Variants in CAMK1D observed in about 807,000 individuals in gnomAD.
CAMK1D encodes the protein calcium/calmodulin dependent protein kinase ID, also known as calcium/calmodulin-dependent protein kinase type 1D.
CAMK1D carries 9 observed loss-of-function variants against 47.7 expected under a neutral mutation model. The ratio of observed to expected loss-of-function variants is 0.19; its 90% confidence interval spans 0.11 to 0.33. The LOEUF is 0.33. CAMK1D is among the 10% of genes least tolerant of loss of function. The probability of loss-of-function intolerance (pLI) is 1.00; values close to 1 mark genes in which losing one functional copy is unlikely to be tolerated. For synonymous variants in CAMK1D, 184 were observed against 184.9 expected, an observed-to-expected ratio of 0.99 and a Z score of 0.04; for missense variants, 291 against 488.7, an observed-to-expected ratio of 0.60 and a Z score of 3.81.
intron 3 of CAMK1D, among the ~76,000 whole-genome samples, chr10:12,735,661 C>G (rs534921768): frequency 1.3e-5 from 2 of 152,266 alleles, no homozygotes; most frequent in East Asian, 3.9e-4. Context: ...TCTCTCTGTA[C>G]CAGACCTGAT....
intron 1 of CAMK1D, among the ~76,000 whole-genome samples, chr10:12,465,383 C>G (rs1833560122): frequency 6.6e-6 from 1 of 152,172 alleles, no homozygotes; most frequent in African/African-American, 2.4e-5. Context: ...GAGATGGAGT[C>G]TCACTCTTTC....
chr10:12,388,426 C>G (rs1240520910), intron 1 of CAMK1D, among the ~76,000 whole-genome samples: 1 of 152,206 alleles, frequency 6.6e-6, no homozygotes, highest in Non-Finnish European at 1.5e-5. Context: ...TCTAGATTCT[C>G]TGTCTGTCAA....
At position 12,616,674 on chromosome 10, in the gene CAMK1D, A is replaced by C. The variant is rs141373351; in HGVS notation, c.225-50062A>C. 5.0e-3 allele frequency among the ~76,000 whole-genome samples: 753 copies of C among 151,202 alleles called. 21 individuals are homozygous for C. The East Asian group carries it at 0.078, about 16-fold the overall frequency. ...CTGGGACTACAGGCGCCCGCCACTAAGCCCGGCTAATTTTTTCTATTTGTA... is the reference window on the plus strand; with the variant it reads ...CTGGGACTACAGGCGCCCGCCACTACGCCCGGCTAATTTTTTCTATTTGTA... On this transcript the variant is annotated intron_variant, in intron 2 of 10. Transcript: ENST00000619168.
At chr10:12,396,080 G>T (rs1208035260) in intron 1 of CAMK1D, among the ~76,000 whole-genome samples, 1 of 152,018 alleles carries the variant, frequency 6.6e-6, no homozygotes, top group South Asian at 2.1e-4. Flanking sequence ...CATCATGTTG[G>T]CCAGGCTGGC....
chr10:12,657,427 A>AAAATAAATAAATAAATAAAT (rs10524598), intron 2 of CAMK1D, among the ~76,000 whole-genome samples: 3,179 of 146,760 alleles, frequency 0.022, 46 homozygotes, highest in Non-Finnish European at 0.028. Context: ...CTGTCTCATA[A>AAAATAAATAAATAAATAAAT]AAATAAATAA....
At chr10:12,689,577 G>A (rs960940300) in intron 3 of CAMK1D, among the ~76,000 whole-genome samples, 7 of 152,122 alleles carry the variant, frequency 4.6e-5, no homozygotes, top group African/African-American at 7.2e-5. Context: ...AGGAGTTGGA[G>A]ACCAGCCTGA....
chr10:12,784,750 A>G (rs1174990182), intron 5 of CAMK1D, among the ~76,000 whole-genome samples: 2 of 152,202 alleles, frequency 1.3e-5, no homozygotes, highest in African/African-American at 2.4e-5. Flanking sequence ...CTACTCACCA[A>G]AAATATTTCA....
Position 12,518,473 on chromosome 10 carries a change from TTTTTTTA to T in CAMK1D, c.93-34731_93-34725del, listed in dbSNP as rs892155568. 6.0e-4 allele frequency among the ~76,000 whole-genome samples: 61 copies of T among 102,502 alleles called. 14 individuals carry two copies. Among genetic ancestry groups the T allele is most frequent in the East Asian group, 3.7e-3 (14 of 3,790 alleles). The allele number at this position is 102,502 out of a possible 152,430, so 67.2% of individuals were successfully genotyped here. A position where few individuals can be genotyped will look rare whatever the true frequency, so the allele number is the denominator to read the frequency against. ...TGTAGTGATATGTCTTTATTCATTC[TTTTTTTA>T]TTTTTTATTTTTTATTTTTTTTTTT... On this transcript the variant is annotated intron_variant, in intron 1 of 10. Coordinates refer to ENST00000619168, the MANE Select transcript of CAMK1D (RefSeq NM_153498.4).
intron 2 of CAMK1D, among the ~76,000 whole-genome samples, chr10:12,616,617 A>T (rs955274697): frequency 2.6e-5 from 4 of 151,722 alleles, no homozygotes; most frequent in Admixed American, 2.6e-4. Flanking sequence ...TCCCGGGTTC[A>T]CGCCATTCTC....
At chr10:12,782,716 A>G (rs3781070) in intron 5 of CAMK1D, among the ~76,000 whole-genome samples, 34,866 of 152,110 alleles carry the variant, frequency 0.23, 4,178 homozygotes, top group East Asian at 0.46. Context: ...TGAGCGTCTA[A>G]CCCTGGACAC....
chr10:12,530,895 A>G lies in CAMK1D; in HGVS notation c.93-22330A>G, dbSNP rs1835784168. Among the ~76,000 whole-genome samples the G allele has an allele frequency of 2.0e-5, 3 of 152,030 alleles. No individual in the cohort carries two copies. The South Asian group carries it at 6.2e-4, about 31-fold the overall frequency. On this transcript the variant is annotated intron_variant, in intron 1 of 10. Transcript: ENST00000619168. ...AACATGGTGAAACCCTGTCTCTACT[A>G]AAAATACAAAAATTAGCCGAGTGTG... is the stretch of plus-strand genomic sequence containing the variant.
intron 1 of CAMK1D, among the ~76,000 whole-genome samples, chr10:12,504,869 C>G (rs1260284232): frequency 6.6e-6 from 1 of 152,196 alleles, no homozygotes; most frequent in Non-Finnish European, 1.5e-5. Flanking sequence ...ATGACCCCTT[C>G]CTCTGCTTTC....
chr10:12,504,108 G>GGGGTGT (rs149803598), intron 1 of CAMK1D, among the ~76,000 whole-genome samples: 7,578 of 147,668 alleles, frequency 0.051, 236 homozygotes, highest in African/African-American at 0.074. Flanking sequence ...CAATAAGATG[G>GGGGTGT]GTGTGTGTGT....
intron 1 of CAMK1D, among the ~76,000 whole-genome samples, chr10:12,468,984 C>A (rs1241724722): frequency 6.6e-6 from 1 of 152,128 alleles, no homozygotes; most frequent in Non-Finnish European, 1.5e-5. Context: ...CCTCAGCAGT[C>A]TACATAGCGT....
intron 1 of CAMK1D, among the ~76,000 whole-genome samples, chr10:12,402,140 C>A (rs923696601): frequency 1.3e-5 from 2 of 151,800 alleles, no homozygotes; most frequent in African/African-American, 4.8e-5. Flanking sequence ...CAGGGTTTTG[C>A]CATGTTGGCC....
chr10:12,616,366 C>T (rs73572279), intron 2 of CAMK1D, among the ~76,000 whole-genome samples: 1 of 152,270 alleles, frequency 6.6e-6, no homozygotes, highest in African/African-American at 2.4e-5. Flanking sequence ...GATGCTACAG[C>T]GAGACAGACT....
chr10:12,795,092 T>G (rs1487197848), intron 6 of CAMK1D, among the ~76,000 whole-genome samples: 1 of 152,066 alleles, frequency 6.6e-6, no homozygotes, highest in Non-Finnish European at 1.5e-5. Context: ...GGGAGGCCCA[T>G]GCACAGCTAT....
At chr10:12,583,605 A>ATTT (rs199562739) in intron 2 of CAMK1D, among the ~76,000 whole-genome samples, 2,073 of 132,606 alleles carry the variant, frequency 0.016, 61 homozygotes, top group African/African-American at 0.055. Flanking sequence ...TTGTTGTTTT[A>ATTT]TTTTTTTTTT....
intron 6 of CAMK1D, among the ~76,000 whole-genome samples, chr10:12,794,271 G>T (rs1838098897): frequency 6.6e-6 from 1 of 152,112 alleles, no homozygotes; most frequent in Non-Finnish European, 1.5e-5. Flanking sequence ...TGTGTCGATG[G>T]TTAAGAAAAA....
Sources: gnomAD v4.1 joint callset for allele counts (sites outside exome capture counted in the v4.1 genomes callset) on GRCh38, gnomAD v4.1.1 for gene constraint, MANE v1.5 for transcripts, NCBI Gene and HGNC (gene_info 2026-07-23, HGNC 2026-07-21) for gene names.